COQ8B: variants seen among roughly 807,000 people sequenced by gnomAD.
COQ8B encodes the protein coenzyme Q8B, also known as atypical kinase COQ8B, mitochondrial.
COQ8B carries 44 observed loss-of-function variants against 62.0 expected under a neutral mutation model. The ratio of observed to expected loss-of-function variants is 0.71; its 90% confidence interval spans 0.56 to 0.91. The LOEUF is 0.91. Ranked by LOEUF, COQ8B falls within the 40% of genes least tolerant of loss-of-function variation. The probability of loss-of-function intolerance (pLI) is 0.00; values close to 1 mark genes in which losing one functional copy is unlikely to be tolerated. For synonymous variants in COQ8B, 252 were observed against 289.9 expected (o/e 0.87, Z 1.33); for missense variants, 649 against 731.6 (o/e 0.89, Z 1.30).
chr19:40,705,484 A>G, intron 5 of COQ8B, 37 bp from the exon 6 acceptor site: 1 of 1,510,252 alleles, frequency 6.6e-7, no homozygotes, highest in East Asian at 2.3e-5. Context: ...ATAACCACAA[A>G]TATCATCACT....
intron 4 of COQ8B, among the ~76,000 whole-genome samples, chr19:40,712,412 GA>G (rs797020409): frequency 0.061 from 6,367 of 104,056 alleles, 181 homozygotes; most frequent in African/African-American, 0.098. Context: ...GTCTCCCTAA[GA>G]AAAAAAAAAA....
At chr19:40,695,273 G>A (rs1218993930) in intron 13 of COQ8B, among the ~76,000 whole-genome samples, 3 of 145,692 alleles carry the variant, frequency 2.1e-5, no homozygotes, top group Non-Finnish European at 4.5e-5. Context: ...AGCCAAGATC[G>A]AGCCACTGCA....
At chr19:40,704,816 C>A in intron 7 of COQ8B, 1 of 350,508 alleles carries the variant, frequency 2.9e-6, no homozygotes, top group South Asian at 5.2e-5. Context: ...GTTCTCAGTG[C>A]TCAGTGTAAA....
intron 1 of COQ8B, chr19:40,714,844 C>T (rs975851349): frequency 1.9e-5 from 26 of 1,347,672 alleles, no homozygotes; most frequent in Non-Finnish European, 2.4e-5. Context: ...ACTTTCCCCC[C>T]TCTCCCAACC....
At chr19:40,715,075 C>T (rs2082175335) in intron 1 of COQ8B, 1 of 988,946 alleles carries the variant, frequency 1.0e-6, no homozygotes, top group Admixed American at 6.1e-5. Context: ...GCCTCCGAGT[C>T]CGCAACCTGC....
chr19:40,714,813 C>T (rs1336768223), intron 1 of COQ8B, 178 bp from the exon 2 acceptor site: 5 of 1,341,348 alleles, frequency 3.7e-6, no homozygotes, highest in Non-Finnish European at 4.8e-6. Flanking sequence ...CTTAGCTCTT[C>T]CTGCAGGCCT....
intron 9 of COQ8B, among the ~76,000 whole-genome samples, chr19:40,703,218 C>T (rs1248552044): frequency 3.3e-5 from 5 of 152,164 alleles, no homozygotes; most frequent in Non-Finnish European, 7.4e-5. Flanking sequence ...CGCCTCCTCA[C>T]GTGCCATCCC....
intron 5 of COQ8B, 52 bp downstream of exon 5, chr19:40,710,007 C>T: frequency 6.3e-7 from 1 of 1,597,246 alleles, no homozygotes; most frequent in Non-Finnish European, 8.6e-7. Flanking sequence ...TCACTTGCCC[C>T]AGGTCACACA....
rs368884308 is a variant in COQ8B, at chr19:40,703,593, G to A, written c.747C>T (p.Ser249=). 1.6e-5 allele frequency: 25 copies of A among 1,611,368 alleles called. No homozygotes were observed. In the South Asian group the frequency reaches 1.8e-4, roughly 11 times the overall value. The change falls in exon 9 of 15, where the codon AGC becomes AGT. Residue 249 remains serine, a synonymous_variant. Transcript: ENST00000324464. Reference sequence around the variant, plus strand: ...GTACCGCCAGCAGGTTCTGGACATCGCTCTGAATGCTCTGGGCTATGCCGG... The same window carrying A: ...GTACCGCCAGCAGGTTCTGGACATCACTCTGAATGCTCTGGGCTATGCCGG... ...QYPGIAQSIQ[S]DVQNLLAVLK...
At chr19:40,702,725 C>T (rs1318101149) in intron 9 of COQ8B, 32 bp from the exon 10 acceptor site, 1 of 1,596,214 alleles carries the variant, frequency 6.3e-7, no homozygotes, top group Non-Finnish European at 8.5e-7. Context: ...CAGGGAAGGG[C>T]CCCGAGCGCC....
intron 12 of COQ8B, among the ~76,000 whole-genome samples, chr19:40,697,851 T>TATATAGAGAGAG (rs1446181673): frequency 9.1e-5 from 5 of 54,714 alleles, no homozygotes; most frequent in African/African-American, 2.9e-4. Context: ...TATATATATA[T>TATATAGAGAGAG]AGAGAGAGAG....
chr19:40,715,870 T>TGTGTGTGTGTGTGTGC (rs1491577261), intron 1 of COQ8B: 28 of 143,092 alleles, frequency 2.0e-4, no homozygotes, highest in African/African-American at 7.0e-4. Context: ...TGTGTGTGTG[T>TGTGTGTGTGTGTGTGC]GCGCGCGCGC....
intron 1 of COQ8B, chr19:40,715,466 ATTCC>A: frequency 1.0e-6 from 1 of 985,348 alleles, no homozygotes; most frequent in Non-Finnish European, 1.2e-6. Flanking sequence ...GCTCAACACA[ATTCC>A]TTTGAATACA....
In COQ8B at chr19:40,692,985, C is replaced by T. The variant is rs1256973484; in HGVS notation, c.1262G>A (p.Arg421Lys). ...AAAGCCTGTGAGGAATTTGAGGTCC[C>T]TGGACTTCTGCAGGACACAGTCTCT... ...GDRDCVLQKS[R>K]DLKFLTGFET... Residue 421 changes from arginine (R) to lysine (K), a missense_variant, in exon 14 of 15, where the codon AGG (arginine) becomes AAG (lysine). Transcript: ENST00000324464. 1 of 1,614,046 alleles carries T rather than the reference C, an allele frequency of 6.2e-7. No homozygotes were observed. Among genetic ancestry groups the T allele is most frequent in the African/African-American group, 1.3e-5 (1 of 75,034 alleles).
intron 12 of COQ8B, among the ~76,000 whole-genome samples, chr19:40,697,849 T>TAGAGAGAGAG (rs1224275474): frequency 4.4e-4 from 27 of 60,700 alleles, no homozygotes; most frequent in African/African-American, 1.4e-3. Flanking sequence ...TATATATATA[T>TAGAGAGAGAG]ATAGAGAGAG....
At chr19:40,697,874 A>AGT (rs1555756058) in intron 12 of COQ8B, among the ~76,000 whole-genome samples, 11 of 97,002 alleles carry the variant, frequency 1.1e-4, no homozygotes, top group African/African-American at 2.9e-4. Flanking sequence ...AGAGAGAGAG[A>AGT]GAGTTTCTAC....
chr19:40,695,797 G>A (rs1309582137), intron 13 of COQ8B, among the ~76,000 whole-genome samples, 192 bp downstream of exon 13: 1 of 152,172 alleles, frequency 6.6e-6, no homozygotes, highest in Admixed American at 6.5e-5. Flanking sequence ...GGTTTATATC[G>A]GTTCCTATAC....
chr19:40,693,058 T>TA (rs1568435969), intron 13 of COQ8B, 21 bp from the exon 14 acceptor site: 1 of 1,609,610 alleles, frequency 6.2e-7, no homozygotes. Flanking sequence ...GGGTGGGAGT[T>TA]AGAGGGACAA....
At chr19:40,710,820 A>G (rs2082135095) in intron 4 of COQ8B, among the ~76,000 whole-genome samples, 1 of 152,184 alleles carries the variant, frequency 6.6e-6, no homozygotes, top group Non-Finnish European at 1.5e-5. Context: ...AGATAATTCT[A>G]ATGTGCGATC....
Sources: gnomAD v4.1 joint callset for allele counts (sites outside exome capture counted in the v4.1 genomes callset) on GRCh38, gnomAD v4.1.1 for gene constraint, MANE v1.5 for transcripts, NCBI Gene and HGNC (gene_info 2026-07-23, HGNC 2026-07-21) for gene names.